CFTR: variants seen among roughly 807,000 people sequenced by gnomAD.
The protein encoded by CFTR is CF transmembrane conductance regulator, also known as cystic fibrosis transmembrane conductance regulator.
CFTR carries 181 observed loss-of-function variants against 171.6 expected under a neutral mutation model. The observed-to-expected ratio is 1.05, with a 90% CI of 0.93 to 1.19. The LOEUF (loss-of-function observed/expected upper bound fraction) is 1.19, where lower values mean the gene tolerates loss of function less well. Ranked by LOEUF, CFTR falls within the 50% of genes most tolerant of loss-of-function variation. The probability of loss-of-function intolerance (pLI) is 0.00; values close to 1 mark genes in which losing one functional copy is unlikely to be tolerated. For missense variants in CFTR, 1,968 were observed against 1,734.7 expected, an observed-to-expected ratio of 1.13 and a Z score of -2.39; for synonymous variants, 583 against 608.0, an observed-to-expected ratio of 0.96 and a Z score of 0.60.
intron 17 of CFTR, among the ~76,000 whole-genome samples, chr7:117,605,155 T>C (rs1035263079): frequency 1.3e-5 from 2 of 152,216 alleles, no homozygotes; most frequent in African/African-American, 4.8e-5. Flanking sequence ...CACTTCTTCT[T>C]TTCCAAGCTC....
intron 9 of CFTR, among the ~76,000 whole-genome samples, chr7:117,547,996 C>A (rs1459000945): frequency 1.3e-5 from 2 of 152,156 alleles, no homozygotes; most frequent in African/African-American, 4.8e-5. Context: ...AAGCTTCCCA[C>A]GGGGGCAATA....
At chr7:117,624,297 G>A (rs550226785) in intron 21 of CFTR, among the ~76,000 whole-genome samples, 3 of 152,210 alleles carry the variant, frequency 2.0e-5, no homozygotes, top group African/African-American at 7.2e-5. Flanking sequence ...CTGTCTCTGA[G>A]GCACTGATGT....
chr7:117,559,524 A>T lies in CFTR; in HGVS notation c.1453A>T (p.Ser485Cys), dbSNP rs138427145. The T allele has an allele frequency of 1.2e-5, 19 of 1,612,198 alleles. No homozygotes were observed. The East Asian group carries it at 4.2e-4, about 36-fold the overall frequency. Reference protein sequence around the residue: ...LEPSEGKIKHSGRISFCSQFS... With the variant: ...LEPSEGKIKHCGRISFCSQFS... ...GCCTTCAGAGGGTAAAATTAAGCACAGTGGAAGAATTTCATTCTGTTCTCA... is the reference window on the plus strand; with the variant it reads ...GCCTTCAGAGGGTAAAATTAAGCACTGTGGAAGAATTTCATTCTGTTCTCA... Residue 485 changes from serine to cysteine, a missense_variant, in exon 11 of 27, where the codon AGT becomes TGT. By Grantham distance (112) the Ser-to-Cys change is moderately radical (BLOSUM62 -1). Coordinates refer to ENST00000003084, the MANE Select transcript of CFTR (RefSeq NM_000492.4).
intron 9 of CFTR, among the ~76,000 whole-genome samples, chr7:117,542,964 A>G (rs1799082548): frequency 6.6e-6 from 1 of 152,220 alleles, no homozygotes; most frequent in South Asian, 2.1e-4. Context: ...CGAGAGAGAT[A>G]TACCAGTGTA....
At chr7:117,587,715 C>T (rs1469177830) in intron 11 of CFTR, 24 bp from the exon 12 acceptor site, 12 of 1,382,602 alleles carry the variant, frequency 8.7e-6, no homozygotes, top group Non-Finnish European at 1.2e-5. Context: ...AAGTGACTCT[C>T]TAATTTTCTA....
intron 10 of CFTR, among the ~76,000 whole-genome samples, chr7:117,555,558 T>A (rs779491039): frequency 6.6e-6 from 1 of 152,194 alleles, no homozygotes; most frequent in Non-Finnish European, 1.5e-5. Context: ...TCATGTTTAG[T>A]GCAATGCCAT....
At chr7:117,595,206 T>C in intron 15 of CFTR, 148 bp downstream of exon 15, 1 of 564,294 alleles carries the variant, frequency 1.8e-6, no homozygotes, top group Non-Finnish European at 3.1e-6. Flanking sequence ...CATATATCAC[T>C]ATATGTATAT....
intron 26 of CFTR, 21 bp downstream of exon 26, chr7:117,665,585 T>C: frequency 7.1e-7 from 1 of 1,405,236 alleles, no homozygotes; most frequent in Non-Finnish European, 1.0e-6. Context: ...ATAACTTTAC[T>C]TAAGATCTCA....
intron 15 of CFTR, among the ~76,000 whole-genome samples, chr7:117,599,166 C>T (rs182183006): frequency 1.3e-5 from 2 of 152,242 alleles, no homozygotes; most frequent in African/African-American, 4.8e-5. Context: ...AAATGACCAA[C>T]ATGAATGTGA....
intron 11 of CFTR, among the ~76,000 whole-genome samples, chr7:117,577,859 C>A (rs1443499745): frequency 6.6e-6 from 1 of 152,110 alleles, no homozygotes; most frequent in Admixed American, 6.6e-5. Context: ...TCCATATCTT[C>A]CACATGTGTT....
intron 6 of CFTR, among the ~76,000 whole-genome samples, chr7:117,535,877 C>G (rs1798946680): frequency 6.6e-6 from 1 of 152,096 alleles, no homozygotes; most frequent in South Asian, 2.1e-4. Context: ...CTTTCTGTAT[C>G]AATGGTACAT....
intron 11 of CFTR, among the ~76,000 whole-genome samples, chr7:117,563,194 T>C (rs1791545322): frequency 6.6e-6 from 1 of 152,208 alleles, no homozygotes; most frequent in African/African-American, 2.4e-5. Context: ...ATGTCTTTAG[T>C]TTTATCCTCT....
rs1277806775 is a variant in CFTR at position 117,666,838 on chromosome 7, G to A, written c.4243-70G>A. On this transcript the variant is annotated intron_variant, in intron 26 of 26. Transcript: ENST00000003084. ...GACTTTTATTTTCCTTTGAGCCTGT[G>A]CCAGTTTCTGTCCCTGCTCTGGTCT... is the stretch of plus-strand genomic sequence containing the variant. The A allele has an allele frequency of 3.8e-6, 5 of 1,313,268 alleles. No individual in the cohort carries two copies. The East Asian group carries it at 9.2e-5, about 24-fold the overall frequency. 81.4% of individuals were successfully genotyped at this position (1,313,268 alleles called of 1,614,324 possible).
At chr7:117,611,845 G>C in intron 20 of CFTR, 37 bp downstream of exon 20, 3 of 1,476,646 alleles carry the variant, frequency 2.0e-6, no homozygotes, top group Non-Finnish European at 2.8e-6. Flanking sequence ...AAGCATTTAA[G>C]TAAAAAATTT....
intron 23 of CFTR, among the ~76,000 whole-genome samples, chr7:117,643,958 G>C (rs191408275): frequency 6.6e-6 from 1 of 152,112 alleles, no homozygotes; most frequent in Non-Finnish European, 1.5e-5. Flanking sequence ...CATGTTTGAC[G>C]TAGGAACGTA....
intron 22 of CFTR, among the ~76,000 whole-genome samples, chr7:117,636,818 C>A (rs949542244): frequency 6.9e-6 from 1 of 144,472 alleles, no homozygotes; most frequent in Non-Finnish European, 1.5e-5. Context: ...AAACCTTTAG[C>A]TTTTTTTTTT....
Position 117,483,495 on chromosome 7 carries a change from G to A in CFTR, c.53+3348G>A, listed in dbSNP as rs182396914. ...CATAATTTCCTTTGTTAACAGCCAA[G>A]TGCTACCTAATTTTAGGTGTTTTCA... On this transcript the variant is annotated intron_variant, in intron 1 of 26. Coordinates refer to ENST00000003084, the MANE Select transcript of CFTR (RefSeq NM_000492.4). 1.7e-3 allele frequency among the ~76,000 whole-genome samples: 257 copies of A among 152,188 alleles called. 2 individuals carry two copies. The highest frequency in any genetic ancestry group is 5.7e-3 in the African/African-American group (236 of 41,492).
chr7:117,627,612 C>G lies in CFTR; in HGVS notation c.3559C>G (p.Leu1187Val), dbSNP rs763298273. ...KSTKPYKNGQLSKVMIIENSH... is the reference protein window; with the variant it reads ...KSTKPYKNGQVSKVMIIENSH... ...AACCAAACCATACAAGAATGGCCAA[C>G]TCTCGAAAGTTATGATTATTGAGAA... Residue 1187 changes from leucine (L) to valine (V), a missense_variant, in exon 22 of 27, where the codon CTC becomes GTC. By Grantham distance (32) the Leu-to-Val change is conservative. Transcript: ENST00000003084. 6.2e-7 allele frequency: 1 copy of G among 1,613,492 alleles called. No homozygotes were observed. Among genetic ancestry groups the G allele is most frequent in the Non-Finnish European group, 8.5e-7 (1 of 1,179,590 alleles).
intron 3 of CFTR, among the ~76,000 whole-genome samples, chr7:117,526,397 A>G (rs2116664593): frequency 9.9e-6 from 1 of 100,782 alleles, no homozygotes; most frequent in South Asian, 4.4e-4. Context: ...CTAAATGCCT[A>G]CAAGAGAAAG....
Sources: gnomAD v4.1 joint callset for allele counts (sites outside exome capture counted in the v4.1 genomes callset) on GRCh38, gnomAD v4.1.1 for gene constraint, MANE v1.5 for transcripts, NCBI Gene and HGNC (gene_info 2026-07-23, HGNC 2026-07-21) for gene names.